Variants in SLC41A2 observed in about 807,000 individuals in gnomAD.
SLC41A2 encodes the protein SLC41A1-like 1.
A neutral mutation model predicts 58.3 loss-of-function variants in SLC41A2; 32 were observed. That is an observed-to-expected ratio of 0.55 (90% confidence interval 0.41 to 0.74). The LOEUF (loss-of-function observed/expected upper bound fraction) is 0.74. Ranked by LOEUF, SLC41A2 falls within the 30% of genes least tolerant of loss-of-function variation. The probability of loss-of-function intolerance (pLI) is 0.00; values close to 1 mark genes in which losing one functional copy is unlikely to be tolerated. For missense variants in SLC41A2, 514 were observed against 680.6 expected (o/e 0.76, Z 2.72); for synonymous variants, 190 against 235.0 (o/e 0.81, Z 1.75).
chr12:104,924,372 G>T (rs2046741063), intron 2 of SLC41A2, among the ~76,000 whole-genome samples: 1 of 152,148 alleles, frequency 6.6e-6, no homozygotes, highest in Non-Finnish European at 1.5e-5. Context: ...TACTAAATTT[G>T]AGTATCTCCA....
At chr12:104,877,828 G>A (rs1037806308) in intron 6 of SLC41A2, among the ~76,000 whole-genome samples, 5 of 151,904 alleles carry the variant, frequency 3.3e-5, no homozygotes, top group Non-Finnish European at 7.4e-5. Flanking sequence ...GTGAAACCCC[G>A]TCTCTACTAA....
At position 104,870,888 on chromosome 12, in the gene SLC41A2, G is replaced by T. The variant is rs534657046; in HGVS notation, c.1028-4309C>A. 8.7e-4 allele frequency among the ~76,000 whole-genome samples: 132 copies of T among 152,124 alleles called. 1 individual carries two copies. Among genetic ancestry groups the T allele is most frequent in the African/African-American group, 3.0e-3 (125 of 41,504 alleles). ...TTTTTCTAAATGCCCCTTAATAATTGATCTAAATTTTCTGAGGGAACTGAT... is the reference window on the plus strand; with the variant it reads ...TTTTTCTAAATGCCCCTTAATAATTTATCTAAATTTTCTGAGGGAACTGAT... On this transcript the variant is annotated intron_variant, in intron 6 of 10. Coordinates refer to ENST00000258538, the MANE Select transcript of SLC41A2 (RefSeq NM_001352171.3).
intron 2 of SLC41A2, among the ~76,000 whole-genome samples, chr12:104,925,277 G>A (rs193018194): frequency 1.3e-5 from 2 of 152,034 alleles, no homozygotes; most frequent in African/African-American, 2.4e-5. Context: ...TATTTATATC[G>A]GCCAGGCGCG....
chr12:104,940,868 G>A (rs568893233), intron 1 of SLC41A2, among the ~76,000 whole-genome samples: 27 of 146,932 alleles, frequency 1.8e-4, no homozygotes, highest in Non-Finnish European at 1.0e-4. Context: ...GCAGTGAGCC[G>A]AGATCATGGT....
chr12:104,844,006 T>C (rs574970981), intron 10 of SLC41A2, among the ~76,000 whole-genome samples: 1 of 152,300 alleles, frequency 6.6e-6, no homozygotes, highest in East Asian at 1.9e-4. Context: ...AGCCAAATGA[T>C]AAATGTTATC....
intron 8 of SLC41A2, among the ~76,000 whole-genome samples, chr12:104,856,430 A>G (rs1462927861): frequency 6.6e-6 from 1 of 152,178 alleles, no homozygotes; most frequent in Non-Finnish European, 1.5e-5. Context: ...AGTGAGAAGG[A>G]AGAAAAATAC....
chr12:104,912,875 T>C (rs948084893), intron 2 of SLC41A2, among the ~76,000 whole-genome samples: 2 of 152,136 alleles, frequency 1.3e-5, no homozygotes, highest in Admixed American at 6.5e-5. Flanking sequence ...CATCAGCCAG[T>C]GTCTGCTGCA....
At chr12:104,836,536 C>A (rs995568058) in intron 10 of SLC41A2, among the ~76,000 whole-genome samples, 1 of 152,086 alleles carries the variant, frequency 6.6e-6, no homozygotes, top group African/African-American at 2.4e-5. Flanking sequence ...TGAAAAGTTA[C>A]AGATCAAGAG....
chr12:104,892,328 A>AAAAAAAAAAAAAAAAAAAAAAAAC (rs1272873332), intron 4 of SLC41A2, among the ~76,000 whole-genome samples: 5 of 126,928 alleles, frequency 3.9e-5, no homozygotes, highest in African/African-American at 1.9e-4. Context: ...AAATAAAATA[A>AAAAAAAAAAAAAAAAAAAAAAAAC]AATAAAATAT....
chr12:104,861,205 C>A (rs1402509048), intron 8 of SLC41A2, 86 bp downstream of exon 8: 3 of 935,764 alleles, frequency 3.2e-6, no homozygotes, highest in South Asian at 3.8e-5. Context: ...CCTCTTGAAT[C>A]TGAGCCCTAA....
At chr12:104,873,658 T>C (rs2043898053) in intron 6 of SLC41A2, among the ~76,000 whole-genome samples, 1 of 152,226 alleles carries the variant, frequency 6.6e-6, no homozygotes, top group African/African-American at 2.4e-5. Context: ...TGTACAAGGA[T>C]TCCCCTTTCT....
intron 3 of SLC41A2, among the ~76,000 whole-genome samples, 190 bp from the exon 4 acceptor site, chr12:104,895,535 T>G (rs2045235885): frequency 6.6e-6 from 1 of 152,168 alleles, no homozygotes; most frequent in South Asian, 2.1e-4. Flanking sequence ...ACTAACATGT[T>G]TAGAGAAAAA....
intron 3 of SLC41A2, among the ~76,000 whole-genome samples, chr12:104,905,103 TTAGA>T (rs2045766503): frequency 6.6e-6 from 1 of 151,804 alleles, no homozygotes; most frequent in Admixed American, 6.6e-5. Context: ...ATCAGATTAG[TTAGA>T]TACAGAGTTT....
chr12:104,918,641 A>AAAC (rs1555214377), intron 2 of SLC41A2, among the ~76,000 whole-genome samples: 1 of 151,210 alleles, frequency 6.6e-6, no homozygotes, highest in Admixed American at 6.6e-5. Context: ...AAAAAAAAAA[A>AAAC]AAAAAACTAA....
intron 10 of SLC41A2, among the ~76,000 whole-genome samples, chr12:104,823,532 GAT>G (rs1042469452): frequency 3.9e-5 from 6 of 152,096 alleles, no homozygotes; most frequent in Admixed American, 3.9e-4. Flanking sequence ...AAGGGAGAAT[GAT>G]AGTCTTCCCA....
Position 104,874,151 on chromosome 12 carries a change from G to A in SLC41A2, c.1028-7572C>T, listed in dbSNP as rs1264109896. ...TGCAGTGGCGCAATCTTGGCTCACT[G>A]CAAGCTCTGCCTCCCGGGTTCACAC... On this transcript the variant is annotated intron_variant, in intron 6 of 10. Coordinates refer to ENST00000258538, the MANE Select transcript of SLC41A2 (RefSeq NM_001352171.3). 3.4e-5 allele frequency among the ~76,000 whole-genome samples: 5 copies of A among 147,084 alleles called. No individual in the cohort carries two copies. In the South Asian group the frequency reaches 1.1e-3, roughly 31 times the overall value.
intron 10 of SLC41A2, 27 bp from the exon 11 acceptor site, chr12:104,805,364 C>T (rs769701224): frequency 2.8e-5 from 44 of 1,591,166 alleles, no homozygotes; most frequent in Non-Finnish European, 3.3e-5. Flanking sequence ...GAGATTACTC[C>T]GGCTGCCTGG....
At position 104,886,450 on chromosome 12, in the gene SLC41A2, G is replaced by A; in HGVS notation, c.881-11C>T. ...CAACCATTATTATTCCTAGAAGAAAGAATGTTCATTACTTTTTAGGCTATG... is the reference window on the plus strand; with the variant it reads ...CAACCATTATTATTCCTAGAAGAAAAAATGTTCATTACTTTTTAGGCTATG... On this transcript the variant is annotated splice_polypyrimidine_tract_variant and intron_variant, in intron 5 of 10. Coordinates refer to ENST00000258538, the MANE Select transcript of SLC41A2 (RefSeq NM_001352171.3). 6.2e-7 allele frequency: 1 copy of A among 1,610,464 alleles called. No individual in the cohort carries two copies. The highest frequency in any genetic ancestry group is 8.5e-7 in the Non-Finnish European group (1 of 1,177,678).
intron 1 of SLC41A2, among the ~76,000 whole-genome samples, chr12:104,947,194 CCTT>C (rs2047753794): frequency 5.6e-5 from 3 of 53,664 alleles, no homozygotes; most frequent in East Asian, 1.0e-3. Flanking sequence ...TTATTTTTGT[CCTT>C]TTTTTTTTTT....
Sources: allele counts gnomAD v4.1 joint callset (sites outside exome capture counted in the v4.1 genomes callset), GRCh38; gene constraint gnomAD v4.1.1; transcripts MANE v1.5; gene names NCBI Gene and HGNC (gene_info 2026-07-23, HGNC 2026-07-21).